Variants in NRG3 observed in about 807,000 individuals in gnomAD.
NRG3 encodes the protein neuregulin 3.
A neutral mutation model predicts 66.9 loss-of-function variants in NRG3; 31 were observed. The ratio of observed to expected loss-of-function variants is 0.46; its 90% CI spans 0.35 to 0.63. The LOEUF (loss-of-function observed/expected upper bound fraction) is 0.63. Among genes scored for constraint, NRG3 ranks in the 20% least tolerant of loss-of-function variants. The pLI, the probability that NRG3 is intolerant of heterozygous loss-of-function variation, is 0.00. For missense variants in NRG3, 910 were observed against 878.9 expected, an observed-to-expected ratio of 1.04 and a Z score of -0.45; for synonymous variants, 393 against 359.4, an observed-to-expected ratio of 1.09 and a Z score of -1.06.
At chr10:82,049,643 C>T (rs1225891281) in intron 1 of NRG3, among the ~76,000 whole-genome samples, 2 of 151,932 alleles carry the variant, frequency 1.3e-5, no homozygotes, top group African/African-American at 4.8e-5. Flanking sequence ...ATTTAGATTG[C>T]AGTGAGAAAA....
intron 3 of NRG3, among the ~76,000 whole-genome samples, chr10:82,853,114 T>A (rs2063643159): frequency 6.6e-6 from 1 of 152,206 alleles, no homozygotes. Context: ...CAATAAATTA[T>A]ATAATTCCAA....
At chr10:82,096,427 G>C (rs992134958) in intron 1 of NRG3, among the ~76,000 whole-genome samples, 1 of 151,984 alleles carries the variant, frequency 6.6e-6, no homozygotes, top group Non-Finnish European at 1.5e-5. Flanking sequence ...AGTGAGCCGA[G>C]ATTGCACTCC....
rs1340005829 is a variant in NRG3 at position 82,084,502 on chromosome 10, A to T, written c.823+208339A>T. The stretch of plus-strand genomic sequence containing the variant: ...TCTCCAAATTTGGGACATATATGAG[A>T]TTTTTTTTTTTTTTTGCCATCATAG... On this transcript the variant is annotated intron_variant, in intron 1 of 8. Transcript: ENST00000372141. 2.1e-5 allele frequency among the ~76,000 whole-genome samples: 3 copies of T among 145,388 alleles called. 1 individual carries two copies. Among genetic ancestry groups the T allele is most frequent in the African/African-American group, 5.1e-5 (2 of 39,530 alleles).
At chr10:82,103,430 G>A (rs2132142554) in intron 1 of NRG3, among the ~76,000 whole-genome samples, 1 of 152,208 alleles carries the variant, frequency 6.6e-6, no homozygotes, top group Non-Finnish European at 1.5e-5. Flanking sequence ...ACTTAGGTTT[G>A]GACTGTGAGT....
intron 5 of NRG3, among the ~76,000 whole-genome samples, chr10:82,956,678 A>G (rs1850080711): frequency 6.6e-6 from 1 of 151,954 alleles, no homozygotes; most frequent in Non-Finnish European, 1.5e-5. Context: ...CATGAGAGTA[A>G]TGGAATCCTT....
intron 1 of NRG3, among the ~76,000 whole-genome samples, chr10:81,894,542 T>C (rs953472172): frequency 7.2e-5 from 11 of 152,238 alleles, no homozygotes; most frequent in Admixed American, 5.9e-4. Context: ...CAGTCACCTT[T>C]TGAGGCACTA....
At chr10:82,737,028 A>ATT (rs60249177) in intron 2 of NRG3, among the ~76,000 whole-genome samples, 12 of 152,060 alleles carry the variant, frequency 7.9e-5, no homozygotes, top group Admixed American at 2.0e-4. Flanking sequence ...ACAAGAATTT[A>ATT]TTTTTTTATG....
At chr10:82,449,318 G>C (rs1432119650) in intron 2 of NRG3, among the ~76,000 whole-genome samples, 8 of 152,152 alleles carry the variant, frequency 5.3e-5, no homozygotes, top group Admixed American at 5.2e-4. Flanking sequence ...CATAAAGTCA[G>C]CTGACAGATA....
At chr10:82,589,778 T>C (rs1269112490) in intron 2 of NRG3, among the ~76,000 whole-genome samples, 1 of 152,206 alleles carries the variant, frequency 6.6e-6, no homozygotes, top group Non-Finnish European at 1.5e-5. Context: ...TCATGTATCA[T>C]ATATTTGCAA....
intron 4 of NRG3, among the ~76,000 whole-genome samples, chr10:82,906,222 G>T (rs907613603): frequency 6.6e-6 from 1 of 152,166 alleles, no homozygotes; most frequent in Non-Finnish European, 1.5e-5. Context: ...AAACCAGCAA[G>T]AATCTTCAGG....
chr10:82,740,172 C>CTTCCTCCCTCTTTCCT (rs1394863283), intron 3 of NRG3, among the ~76,000 whole-genome samples: 1 of 151,012 alleles, frequency 6.6e-6, no homozygotes, highest in Non-Finnish European at 1.5e-5. Context: ...CCCTCTTTCC[C>CTTCCTCCCTCTTTCCT]TTTCCCCCTT....
At chr10:82,232,937 C>A (rs372573484) in intron 1 of NRG3, 1 of 671,196 alleles carries the variant, frequency 1.5e-6, no homozygotes, top group Admixed American at 2.2e-5. Flanking sequence ...CAGGAGTGTT[C>A]TCTAGTTGCC....
intron 2 of NRG3, among the ~76,000 whole-genome samples, chr10:82,670,064 T>A (rs1373845316): frequency 6.6e-6 from 1 of 152,138 alleles, no homozygotes; most frequent in Admixed American, 6.5e-5. Context: ...TTAAAAAAAA[T>A]TAATAACTTT....
chr10:82,178,004 G>A lies in NRG3; in HGVS notation c.824-180735G>A, dbSNP rs968094694. ...CTGTGCCCAGCCCATGTAAATTATCGAAGAGCCCAAAGAGCTTTTGCTTAT... is the reference window on the plus strand; with the variant it reads ...CTGTGCCCAGCCCATGTAAATTATCAAAGAGCCCAAAGAGCTTTTGCTTAT... On this transcript the variant is annotated intron_variant, in intron 1 of 8. Transcript: ENST00000372141. Among the ~76,000 whole-genome samples, 14 of 151,988 alleles carry A rather than the reference G, an allele frequency of 9.2e-5. No homozygotes were observed. In the East Asian group the frequency reaches 1.4e-3, roughly 15 times the overall value.
At chr10:82,126,273 C>T (rs1378204920) in intron 1 of NRG3, among the ~76,000 whole-genome samples, 1 of 151,912 alleles carries the variant, frequency 6.6e-6, no homozygotes, top group Non-Finnish European at 1.5e-5. Flanking sequence ...TTTTCTTTAA[C>T]AAATAAATTC....
At chr10:82,805,512 C>G (rs971995108) in intron 3 of NRG3, among the ~76,000 whole-genome samples, 4 of 151,902 alleles carry the variant, frequency 2.6e-5, no homozygotes, top group African/African-American at 9.7e-5. Context: ...AAAATCCTTC[C>G]AGACCCTGTT....
intron 1 of NRG3, among the ~76,000 whole-genome samples, chr10:81,967,332 A>G (rs943955368): frequency 6.6e-6 from 1 of 151,662 alleles, no homozygotes; most frequent in Admixed American, 6.6e-5. Context: ...TTATTATTGT[A>G]TAGGTTTTTT....
At chr10:82,091,516 T>C (rs746700345) in intron 1 of NRG3, among the ~76,000 whole-genome samples, 9 of 152,170 alleles carry the variant, frequency 5.9e-5, no homozygotes, top group Non-Finnish European at 1.0e-4. Context: ...TAAGGCTGAA[T>C]TGGATTCCAT....
chr10:82,788,968 G>T (rs766695267), intron 3 of NRG3, among the ~76,000 whole-genome samples: 2 of 151,916 alleles, frequency 1.3e-5, no homozygotes, highest in African/African-American at 4.8e-5. Flanking sequence ...TCAAATTTGT[G>T]CTATGAACAT....
Sources: gnomAD v4.1 joint callset for allele counts (sites outside exome capture counted in the v4.1 genomes callset) on GRCh38, gnomAD v4.1.1 for gene constraint, MANE v1.5 for transcripts, NCBI Gene and HGNC (gene_info 2026-07-23, HGNC 2026-07-21) for gene names.